PHIP: variants seen among roughly 807,000 people sequenced by gnomAD.
PHIP encodes the protein PH-interacting protein.
PHIP carries 54 observed loss-of-function variants against 236.8 expected under a neutral mutation model. The ratio of observed to expected loss-of-function variants is 0.23; its 90% CI spans 0.18 to 0.29. PHIP has a LOEUF of 0.29. Ranked by LOEUF, PHIP falls within the 10% of genes least tolerant of loss-of-function variation. PHIP has a pLI of 1.00. For synonymous variants in PHIP, 756 were observed against 718.9 expected (o/e 1.05, Z -0.83); for missense variants, 1,370 against 2,190.8 (o/e 0.63, Z 7.48).
At chr6:78,994,507 G>GT (rs1769483189) in intron 19 of PHIP, among the ~76,000 whole-genome samples, 2 of 152,144 alleles carry the variant, frequency 1.3e-5, no homozygotes, top group Non-Finnish European at 2.9e-5. Context: ...AAACTGGGAG[G>GT]TGGATGTTGC....
Position 79,038,392 on chromosome 6 carries a change from C to T in PHIP, c.600+4451G>A, listed in dbSNP as rs144881145. Among the ~76,000 whole-genome samples the T allele has an allele frequency of 6.6e-5, 10 of 152,322 alleles. No individual in the cohort carries two copies. The East Asian group carries it at 1.9e-3, about 29-fold the overall frequency. On this transcript the variant is annotated intron_variant, in intron 7 of 39. Transcript: ENST00000275034. ...TTCACAAGGGCTCCATTCTTGAGGC[C>T]TCATCTCCTAAAGCCCTCACCTCTT...
At chr6:78,971,429 A>G (rs1187543559) in intron 24 of PHIP, among the ~76,000 whole-genome samples, 1 of 152,210 alleles carries the variant, frequency 6.6e-6, no homozygotes, top group Non-Finnish European at 1.5e-5. Context: ...TAGTAGAAGA[A>G]CGTGTTTTAA....
At chr6:79,044,839 T>C (rs2127761669) in intron 6 of PHIP, among the ~76,000 whole-genome samples, 1 of 152,284 alleles carries the variant, frequency 6.6e-6, no homozygotes, top group Non-Finnish European at 1.5e-5. Flanking sequence ...GATGATAAAG[T>C]ATTTTATAAG....
chr6:79,055,283 A>T (rs778626147), intron 6 of PHIP, among the ~76,000 whole-genome samples: 23 of 152,322 alleles, frequency 1.5e-4, no homozygotes, highest in Non-Finnish European at 2.8e-4. Flanking sequence ...AATCTTTTTC[A>T]CAAGATAAAC....
At chr6:78,962,898 T>G (rs1166501539) in intron 30 of PHIP, among the ~76,000 whole-genome samples, 199 bp downstream of exon 30, 1 of 152,148 alleles carries the variant, frequency 6.6e-6, no homozygotes, top group Non-Finnish European at 1.5e-5. Context: ...AAAATTCAGC[T>G]AACATAACCT....
intron 14 of PHIP, 84 bp downstream of exon 14, chr6:79,015,546 T>A: frequency 9.5e-7 from 1 of 1,057,816 alleles, no homozygotes. Context: ...TTAGCTAACA[T>A]AAAAGACTTT....
At chr6:78,947,147 ATTG>A (rs890416310) in intron 36 of PHIP, among the ~76,000 whole-genome samples, 3 of 152,186 alleles carry the variant, frequency 2.0e-5, no homozygotes, top group African/African-American at 7.2e-5. Flanking sequence ...GACAAAACTT[ATTG>A]TCAACTTTAT....
rs114069541 is a variant in PHIP, at chr6:79,036,349, T to G, written c.600+6494A>C. Among the ~76,000 whole-genome samples the G allele has an allele frequency of 5.9e-3, 898 of 152,302 alleles. 4 individuals carry two copies. The highest frequency in any genetic ancestry group is 0.02 in the African/African-American group (828 of 41,560). On this transcript the variant is annotated intron_variant, in intron 7 of 39. Coordinates refer to ENST00000275034, the MANE Select transcript of PHIP (RefSeq NM_017934.7). ...CGTATCTTCAAATTTGCTATCTTAG[T>G]AGTTTCTTCCTCTCAATCCAGTTTT...
chr6:78,988,657 T>C (rs1014915240), intron 20 of PHIP, among the ~76,000 whole-genome samples: 2 of 152,200 alleles, frequency 1.3e-5, no homozygotes, highest in East Asian at 3.8e-4. Context: ...AACTCAAATA[T>C]TTTAACATTC....
chr6:78,946,760 T>G lies in PHIP; in HGVS notation c.4321A>C (p.Arg1441=), dbSNP rs148337691. The G allele has an allele frequency of 7.6e-4, 1,216 of 1,591,436 alleles. 16 individuals carry two copies. In the Admixed American group the frequency reaches 7.9e-3, roughly 10 times the overall value. Residue 1441 remains arginine (R), a synonymous_variant, in exon 37 of 40, where the codon AGG becomes CGG. Coordinates refer to ENST00000275034, the MANE Select transcript of PHIP (RefSeq NM_017934.7). ...GAGCTGCTTCTGTTTCTTTTCTTCCTCCTTTTGGTTATGGTATTTCTTTTA... is the reference window on the plus strand; with the variant it reads ...GAGCTGCTTCTGTTTCTTTTCTTCCGCCTTTTGGTTATGGTATTTCTTTTA... The part of the protein sequence containing the change: ...FHKRNTITKR[R]KKRNRSSSVS...
At position 78,990,721 on chromosome 6, in the gene PHIP, T is replaced by C. The variant is rs75024354; in HGVS notation, c.2319+147A>G. 2,312 of 465,706 alleles carry C rather than the reference T, an allele frequency of 5.0e-3. 27 individuals are homozygous for C. Among genetic ancestry groups the C allele is most frequent in the Middle Eastern group, 0.026 (46 of 1,784 alleles). 28.8% of individuals were successfully genotyped at this position (465,706 alleles called of 1,614,324 possible). A position where few individuals can be genotyped will look rare whatever the true frequency, so the allele number is the denominator to read the frequency against. On this transcript the variant is annotated intron_variant, in intron 20 of 39. Transcript: ENST00000275034. ...ATTAAAAATTTTAAATAGTAAACAA[T>C]AGATAATCCAGAGATAACCAAGATT...
chr6:78,949,426 G>C (rs1316183487), intron 35 of PHIP, among the ~76,000 whole-genome samples: 1 of 152,074 alleles, frequency 6.6e-6, no homozygotes, highest in Non-Finnish European at 1.5e-5. Context: ...CACTAAGCCA[G>C]TATTTCCCTG....
At chr6:79,021,986 T>C (rs1771139865) in intron 9 of PHIP, among the ~76,000 whole-genome samples, 1 of 152,152 alleles carries the variant, frequency 6.6e-6, no homozygotes, top group Admixed American at 6.6e-5. Context: ...ATGTACCCCA[T>C]AAATATATAC....
chr6:78,952,417 C>CAAAAAAAAAAAA (rs1313040595), intron 35 of PHIP, among the ~76,000 whole-genome samples: 1 of 59,860 alleles, frequency 1.7e-5, no homozygotes, highest in East Asian at 5.1e-4. Flanking sequence ...GACTCTGTCC[C>CAAAAAAAAAAAA]AAAAAAAAAA....
At chr6:79,015,999 G>A (rs1360408625) in intron 13 of PHIP, among the ~76,000 whole-genome samples, 1 of 151,854 alleles carries the variant, frequency 6.6e-6, no homozygotes, top group Admixed American at 6.6e-5. Flanking sequence ...TAAGCCATTA[G>A]TAAGATGATC....
At chr6:78,968,884 T>G (rs1296973030) in intron 27 of PHIP, among the ~76,000 whole-genome samples, 2 of 152,184 alleles carry the variant, frequency 1.3e-5, no homozygotes, top group Non-Finnish European at 2.9e-5. Flanking sequence ...GTGTTCCAAT[T>G]TTTTCCCCCT....
chr6:79,036,083 C>T (rs763090141), intron 7 of PHIP, among the ~76,000 whole-genome samples: 13 of 152,176 alleles, frequency 8.5e-5, no homozygotes, highest in Non-Finnish European at 2.9e-5. Flanking sequence ...CTCCTATTTA[C>T]TGGGTAGGCT....
intron 35 of PHIP, among the ~76,000 whole-genome samples, chr6:78,950,046 G>A (rs916047962): frequency 6.6e-6 from 1 of 152,028 alleles, no homozygotes; most frequent in Non-Finnish European, 1.5e-5. Flanking sequence ...TTCCTCCTGT[G>A]ACCGCACTGA....
At position 78,937,942 on chromosome 6, in the gene PHIP, G is replaced by C. The variant is rs1773336304; in HGVS notation, c.*2751C>G. 1 of 151,554 alleles carries C rather than the reference G, an allele frequency of 6.6e-6. No homozygotes were observed. Among genetic ancestry groups the C allele is most frequent in the African/African-American group, 2.4e-5 (1 of 41,370 alleles). 9.4% of individuals were successfully genotyped at this position (151,554 alleles called of 1,614,324 possible). ...CCATGCATGTAAGAGTTATATTTCT[G>C]AACTTTCAGTAAATTGGAGATGTTT... is the stretch of plus-strand genomic sequence containing the variant. On this transcript the variant is annotated 3_prime_UTR_variant, in exon 40 of 40. Coordinates refer to ENST00000275034, the MANE Select transcript of PHIP (RefSeq NM_017934.7).
Sources: gnomAD v4.1 joint callset for allele counts (sites outside exome capture counted in the v4.1 genomes callset) on GRCh38, gnomAD v4.1.1 for gene constraint, MANE v1.5 for transcripts, NCBI Gene and HGNC (gene_info 2026-07-23, HGNC 2026-07-21) for gene names.